Variants in TERB1 observed in about 807,000 individuals in gnomAD.
TERB1 encodes the protein telomere repeats-binding bouquet formation protein 1.
A neutral mutation model predicts 92.3 loss-of-function variants in TERB1; 63 were observed. The observed-to-expected ratio is 0.68, with a 90% CI of 0.56 to 0.84. TERB1 has a LOEUF of 0.84. Among genes scored for constraint, TERB1 ranks in the 40% least tolerant of loss-of-function variants. The probability of loss-of-function intolerance (pLI) is 0.00; values close to 1 mark genes in which losing one functional copy is unlikely to be tolerated. For synonymous variants in TERB1, 252 were observed against 283.9 expected (o/e 0.89, Z 1.13); for missense variants, 709 against 843.7 (o/e 0.84, Z 1.98).
chr16:66,790,572 T>C (rs761252781), intron 5 of TERB1, 23 bp downstream of exon 5: 22 of 1,487,488 alleles, frequency 1.5e-5, no homozygotes, highest in Admixed American at 2.1e-5. Context: ...TAAAGTATAA[T>C]GAAATAAAGT....
chr16:66,797,548 A>G (rs1227421754), intron 2 of TERB1, among the ~76,000 whole-genome samples: 1 of 141,480 alleles, frequency 7.1e-6, no homozygotes, highest in Non-Finnish European at 1.5e-5. Context: ...CCATTTTCTT[A>G]TTTTCTTCAT....
At position 66,770,091 on chromosome 16, in the gene TERB1, G is replaced by A. The variant is rs554328919; in HGVS notation, c.1491C>T (p.Ser497=). Residue 497 remains serine (S), a synonymous_variant, in exon 14 of 19, where the codon AGC becomes AGT. Transcript: ENST00000433154. ...TGTAACAAGCATGGACTGGATTTGC[G>A]CTCTTTAACGGTGTCTTCATTTGGT... ...NDDQMKTPLK[S]ANPVHACYRE... is the part of the protein sequence containing the mutation. The A allele has an allele frequency of 6.3e-4, 985 of 1,551,898 alleles. 1 individual carries two copies. Among genetic ancestry groups the A allele is most frequent in the Non-Finnish European group, 7.9e-4 (902 of 1,147,032 alleles).
chr16:66,801,749 C>A (rs1408591341), upstream of TERB1: 1 of 152,236 alleles, frequency 6.6e-6, no homozygotes, highest in Non-Finnish European at 1.5e-5. Context: ...TAAAAAGCTA[C>A]AATTTGAAAG....
At chr16:66,800,473 C>G (rs1331169061) in intron 2 of TERB1, among the ~76,000 whole-genome samples, 1 of 147,232 alleles carries the variant, frequency 6.8e-6, no homozygotes, top group Non-Finnish European at 1.5e-5. Flanking sequence ...TCACTGCAAC[C>G]TCCGCCTCCC....
chr16:66,775,484 A>C (rs1407588967), intron 11 of TERB1, among the ~76,000 whole-genome samples: 1 of 152,108 alleles, frequency 6.6e-6, no homozygotes, highest in African/African-American at 2.4e-5. Flanking sequence ...AAATACAAAA[A>C]TTAGCCAGGC....
intron 16 of TERB1, among the ~76,000 whole-genome samples, chr16:66,766,150 C>T (rs2018342462): frequency 6.6e-6 from 1 of 151,872 alleles, no homozygotes; most frequent in Non-Finnish European, 1.5e-5. Flanking sequence ...GGATTACAGG[C>T]GTGAGCCACC....
intron 16 of TERB1, among the ~76,000 whole-genome samples, chr16:66,766,385 G>A (rs191504047): frequency 1.5e-3 from 226 of 152,186 alleles, no homozygotes; most frequent in Non-Finnish European, 2.5e-3. Context: ...GTTCTGAGCC[G>A]AATATAGAGA....
At chr16:66,795,836 C>A (rs899741510) in intron 3 of TERB1, among the ~76,000 whole-genome samples, 1 of 152,174 alleles carries the variant, frequency 6.6e-6, no homozygotes, top group Non-Finnish European at 1.5e-5. Context: ...GTAGCCTTGA[C>A]CTCCCAGGCT....
chr16:66,767,452 A>G lies in TERB1; in HGVS notation c.1743T>C (p.Thr581=), dbSNP rs1181037767. 7.8e-6 allele frequency: 12 copies of G among 1,528,742 alleles called. No homozygotes were observed. Among genetic ancestry groups the G allele is most frequent in the Non-Finnish European group, 9.7e-6 (11 of 1,138,512 alleles). 94.7% of individuals were successfully genotyped at this position (1,528,742 alleles called of 1,614,324 possible). Reference sequence around the variant, plus strand: ...ACGTCAACATTTCGGAACAACTGGGAGTTGCTAGAAAACTGACTACTTCTT... The same window carrying G: ...ACGTCAACATTTCGGAACAACTGGGGGTTGCTAGAAAACTGACTACTTCTT... ...INKEVVSFLA[T]PSCSEMLTYR... is the part of the protein sequence containing the mutation. Residue 581 remains threonine (T), a synonymous_variant, in exon 16 of 19, where the codon ACT becomes ACC. Transcript: ENST00000433154.
Position 66,786,253 on chromosome 16 carries a change from A to G in TERB1, c.433T>C (p.Cys145Arg), listed in dbSNP as rs1488269412. The G allele has an allele frequency of 1.9e-6, 3 of 1,549,578 alleles. No individual in the cohort carries two copies. Among genetic ancestry groups the G allele is most frequent in the Non-Finnish European group, 2.6e-6 (3 of 1,146,124 alleles). ...AATAACCGTGACAGAACTGTAATAC[A>G]ACCTGTTTCTCTCACAAGTGTTTGT... Reference protein sequence around the residue: ...TGQTLVRETGCITVLSRLFRT... With the variant: ...TGQTLVRETGRITVLSRLFRT... The change falls in exon 7 of 19, where the codon TGT becomes CGT. Residue 145 changes from cysteine (C) to arginine (R), a missense_variant. Transcript: ENST00000433154.
chr16:66,777,519 G>A (rs1426783158), intron 10 of TERB1, among the ~76,000 whole-genome samples, 185 bp from the exon 11 acceptor site: 1 of 152,060 alleles, frequency 6.6e-6, no homozygotes, highest in Admixed American at 6.6e-5. Context: ...TAAATTCATT[G>A]TAATAAGATG....
rs199626478 is a variant in TERB1 at position 66,791,175 on chromosome 16, T to TA, written c.32-157dup. ...TAATCCAACAACCATGTATTTTTTT[T>TA]AAAAATGTTCTTTAAATAAAATAAC... is the stretch of plus-strand genomic sequence containing the variant. On this transcript the variant is annotated intron_variant, in intron 3 of 18. Coordinates refer to ENST00000433154, the MANE Select transcript of TERB1 (RefSeq NM_001136505.2). 5.6e-3 allele frequency among the ~76,000 whole-genome samples: 857 copies of TA among 151,934 alleles called. 7 individuals are homozygous for TA. Among genetic ancestry groups the TA allele is most frequent in the African/African-American group, 0.019 (804 of 41,446 alleles).
intron 9 of TERB1, among the ~76,000 whole-genome samples, chr16:66,779,677 A>G (rs2018604851): frequency 6.6e-6 from 1 of 152,196 alleles, no homozygotes; most frequent in Non-Finnish European, 1.5e-5. Flanking sequence ...GTCTTTCAAT[A>G]GAGTTATAAA....
chr16:66,795,273 G>T (rs1321117285), intron 3 of TERB1, among the ~76,000 whole-genome samples: 1 of 152,152 alleles, frequency 6.6e-6, no homozygotes, highest in Non-Finnish European at 1.5e-5. Flanking sequence ...TCACCCTGTT[G>T]CTAAACAATT....
chr16:66,792,388 T>A (rs1472500174), intron 3 of TERB1, among the ~76,000 whole-genome samples: 1 of 152,194 alleles, frequency 6.6e-6, no homozygotes, highest in East Asian at 1.9e-4. Context: ...TTTGTTCGTA[T>A]CACCACTCCT....
upstream of TERB1, among the ~76,000 whole-genome samples, chr16:66,801,779 G>A (rs1959328021): frequency 6.6e-6 from 1 of 152,226 alleles, no homozygotes; most frequent in South Asian, 2.1e-4. Flanking sequence ...ACCGCCCCCG[G>A]TTTTTAGGGT....
rs1041540229 is a variant in TERB1, at chr16:66,778,851, A to G, written c.853+12T>C. On this transcript the variant is annotated intron_variant, in intron 10 of 18. Transcript: ENST00000433154. ...TTCAATTTCAAAAAAACTAGTAAGC[A>G]CTGTCACTCACGATTATCAGCAATG... 6.8e-7 allele frequency: 1 copy of G among 1,476,302 alleles called. No individual in the cohort carries two copies. The highest frequency in any genetic ancestry group is 1.4e-5 in the African/African-American group (1 of 71,038). 91.5% of individuals were successfully genotyped at this position (1,476,302 alleles called of 1,614,324 possible). A position where few individuals can be genotyped will look rare whatever the true frequency, so the allele number is the denominator to read the frequency against.
At chr16:66,764,831 G>A (rs1004550997) in intron 16 of TERB1, among the ~76,000 whole-genome samples, 1 of 152,164 alleles carries the variant, frequency 6.6e-6, no homozygotes, top group Non-Finnish European at 1.5e-5. Flanking sequence ...AGATGCTGTG[G>A]ATGTTGTGTT....
rs1439690745 is a variant in TERB1, at chr16:66,794,923, AC to A, written c.31+1844del. On this transcript the variant is annotated intron_variant, in intron 3 of 18. Transcript: ENST00000433154. ...AGACTCCGTCTCAAAAAAAAAAAAAACACACACACACACACACACACACAAT... is the reference window on the plus strand; with the variant it reads ...AGACTCCGTCTCAAAAAAAAAAAAAAACACACACACACACACACACACAAT... 6.4e-4 allele frequency among the ~76,000 whole-genome samples: 85 copies of A among 133,024 alleles called. 2 individuals carry two copies. Among genetic ancestry groups the A allele is most frequent in the Admixed American group, 6.1e-3 (81 of 13,264 alleles). The allele number at this position is 133,024 out of a possible 152,430, so 87.3% of individuals were successfully genotyped here.
Sources: gnomAD v4.1 joint callset for allele counts (sites outside exome capture counted in the v4.1 genomes callset) on GRCh38, gnomAD v4.1.1 for gene constraint, MANE v1.5 for transcripts, NCBI Gene and HGNC (gene_info 2026-07-23, HGNC 2026-07-21) for gene names.